Variants in FRMPD4 observed in about 807,000 individuals in gnomAD.
The protein encoded by FRMPD4 is FERM and PDZ domain containing 4.
In FRMPD4, 22 loss-of-function variants were observed where a neutral mutation model predicts 94.1. The ratio of observed to expected loss-of-function variants is 0.23; its 90% CI spans 0.17 to 0.33. FRMPD4 has a LOEUF of 0.33. FRMPD4 is among the 10% of genes least tolerant of loss of function. FRMPD4 has a pLI of 1.00. For missense variants in FRMPD4, 1,111 were observed against 1,339.9 expected (o/e 0.83, Z 2.67); for synonymous variants, 631 against 548.6 (o/e 1.15, Z -2.10).
chrX:11,886,855 T>C (rs180852649), intron 3 of FRMPD4, among the ~76,000 whole-genome samples: 109 of 111,080 alleles, frequency 9.8e-4, no homozygotes, highest in Non-Finnish European at 2.0e-3. Flanking sequence ...TACTAATTGT[T>C]CCCTTTCTCT....
chrX:12,303,457 T>G (rs1278186834), intron 1 of FRMPD4, among the ~76,000 whole-genome samples: 1 of 111,681 alleles, frequency 9.0e-6, no homozygotes, highest in African/African-American at 3.2e-5. Context: ...TCTTTTTAAT[T>G]AGGAGATAAA....
intron 1 of FRMPD4, among the ~76,000 whole-genome samples, chrX:12,346,968 G>A (rs1177211007): frequency 9.0e-6 from 1 of 111,584 alleles, no homozygotes; most frequent in Non-Finnish European, 1.9e-5. Flanking sequence ...CACAAAAGTG[G>A]TTGTATAATT....
intron 3 of FRMPD4, among the ~76,000 whole-genome samples, chrX:11,915,958 T>A (rs754760339): frequency 8.9e-6 from 1 of 112,151 alleles, no homozygotes; most frequent in East Asian, 2.8e-4. Context: ...ACAGTAGATA[T>A]TGGGGTTGCT....
At chrX:11,943,747 C>G (rs2054174716) in intron 3 of FRMPD4, among the ~76,000 whole-genome samples, 1 of 111,914 alleles carries the variant, frequency 8.9e-6, no homozygotes, top group Admixed American at 9.5e-5. Flanking sequence ...TTCCTATAAA[C>G]TCTTAAAAAA....
chrX:12,096,781 G>A (rs754994501), intron 3 of FRMPD4, among the ~76,000 whole-genome samples: 43 of 111,467 alleles, frequency 3.9e-4, no homozygotes, highest in African/African-American at 1.3e-3. Flanking sequence ...TAGCTGCTCA[G>A]GAGGCTGAGG....
chrX:12,642,111 C>T (rs916901287), intron 4 of FRMPD4, among the ~76,000 whole-genome samples: 1 of 111,338 alleles, frequency 9.0e-6, no homozygotes, highest in Non-Finnish European at 1.9e-5. Flanking sequence ...TAGTAGGCAT[C>T]CGCTGTGTGT....
At chrX:12,628,992 GA>G (rs11319072) in intron 4 of FRMPD4, among the ~76,000 whole-genome samples, 2,532 of 111,927 alleles carry the variant, frequency 0.023, 72 homozygotes, top group African/African-American at 0.077. Flanking sequence ...AGCAAAAGGG[GA>G]AACCTCTTAT....
At position 12,433,518 on chromosome X, in the gene FRMPD4, A is replaced by T. The variant is rs2057031245; in HGVS notation, c.42-65162A>T. 2.7e-5 allele frequency among the ~76,000 whole-genome samples: 3 copies of T among 111,950 alleles called. No individual in the cohort carries two copies. In the Admixed American group the frequency reaches 2.8e-4, roughly 11 times the overall value. On this transcript the variant is annotated intron_variant, in intron 1 of 16. Transcript: ENST00000675598. The stretch of plus-strand genomic sequence containing the variant: ...GCCAAGAGTGGAATCAGGGGTGAAG[A>T]TACTAACAGCAAGAAAAATCTGCTC...
Position 12,721,614 on chromosome X carries a change from G to A in FRMPD4, c.5045G>A (p.Cys1682Tyr). The change falls in exon 17 of 17, where the codon TGT becomes TAT. Residue 1682 changes from cysteine (C) to tyrosine (Y), a missense_variant. Cys to Tyr is a radical substitution (Grantham distance 194). This residue lies in a region of FRMPD4 where 551 missense variants were observed against 591.6 expected (regional missense o/e 0.93). Transcript: ENST00000675598. ...LAMTSSFQVLCCLTEACMRLV... is the reference protein window; with the variant it reads ...LAMTSSFQVLYCLTEACMRLV... ...ATGACTTCCAGCTTTCAAGTGCTCT[G>A]TTGCCTAACAGAAGCTTGCATGCGA... 2.6e-6 allele frequency: 2 copies of A among 755,851 alleles called. No individual in the cohort carries two copies. The highest frequency in any genetic ancestry group is 3.1e-6 in the Non-Finnish European group (2 of 638,850). 62.3% of individuals were successfully genotyped at this position (755,851 alleles called of 1,213,427 possible).
intron 3 of FRMPD4, among the ~76,000 whole-genome samples, chrX:11,893,012 G>A (rs755922062): frequency 8.9e-6 from 1 of 112,315 alleles, no homozygotes; most frequent in Non-Finnish European, 1.9e-5. Context: ...GATTTACACA[G>A]AAGTTGCAAA....
At chrX:12,091,453 G>A (rs1022450329) in intron 3 of FRMPD4, among the ~76,000 whole-genome samples, 2 of 112,429 alleles carry the variant, frequency 1.8e-5, no homozygotes, top group Non-Finnish European at 3.8e-5. Context: ...GCATGTCTAT[G>A]TTTTGATAAA....
intron 4 of FRMPD4, among the ~76,000 whole-genome samples, chrX:12,647,276 G>T (rs1041045704): frequency 1.8e-5 from 2 of 112,118 alleles, no homozygotes; most frequent in African/African-American, 3.2e-5. Context: ...AGAGACTAGA[G>T]ATGTGAGACC....
chrX:12,690,190 G>T lies in FRMPD4; in HGVS notation c.682-5G>T, dbSNP rs1602328396. 8.3e-7 allele frequency: 1 copy of T among 1,201,769 alleles called. No homozygotes were observed. Among genetic ancestry groups the T allele is most frequent in the South Asian group, 1.8e-5 (1 of 55,824 alleles). ...GTCTCATCATGTTCATGTTTCCTCT[G>T]TAAGGATGTCATCTTAACCCTTCAA... On this transcript the variant is annotated splice_region_variant and splice_polypyrimidine_tract_variant and intron_variant, in intron 7 of 16. Coordinates refer to ENST00000675598, the MANE Select transcript of FRMPD4 (RefSeq NM_001368397.1).
chrX:12,500,080 C>T (rs2057902048), intron 2 of FRMPD4, among the ~76,000 whole-genome samples: 1 of 111,545 alleles, frequency 9.0e-6, no homozygotes, highest in African/African-American at 3.3e-5. Flanking sequence ...GGCAAGGGTC[C>T]ATACTGCCCT....
intron 1 of FRMPD4, among the ~76,000 whole-genome samples, chrX:12,198,068 C>T (rs955656237): frequency 4.5e-5 from 5 of 111,839 alleles, no homozygotes; most frequent in African/African-American, 1.3e-4. Context: ...GTAAAGCACT[C>T]ATAATATAAA....
intron 2 of FRMPD4, among the ~76,000 whole-genome samples, chrX:12,562,370 A>G (rs1191132901): frequency 8.9e-6 from 1 of 112,407 alleles, no homozygotes; most frequent in East Asian, 2.8e-4. Context: ...CAATAAATTT[A>G]CCTATATTGT....
rs1491368741 is a variant in FRMPD4 at position 12,388,850 on chromosome X, T to TATATATATATAC, written c.42-109829_42-109828insTATATATATACA. ...ATATATATATATATATATATATATATACACACAATGGAGTACTATTCAGCC... is the reference window on the plus strand; with the variant it reads ...ATATATATATATATATATATATATATATATATATATACACACACAATGGAGTACTATTCAGCC... On this transcript the variant is annotated intron_variant, in intron 1 of 16. Coordinates refer to ENST00000675598, the MANE Select transcript of FRMPD4 (RefSeq NM_001368397.1). 5.4e-4 allele frequency among the ~76,000 whole-genome samples: 40 copies of TATATATATATAC among 73,448 alleles called. 2 individuals are homozygous for TATATATATATAC. The highest frequency in any genetic ancestry group is 2.3e-3 in the African/African-American group (36 of 15,557). The allele number at this position is 73,448 out of a possible 115,157, so 63.8% of individuals were successfully genotyped here.
At chrX:11,942,875 A>G (rs1285408540) in intron 3 of FRMPD4, among the ~76,000 whole-genome samples, 1 of 111,568 alleles carries the variant, frequency 9.0e-6, no homozygotes, top group Non-Finnish European at 1.9e-5. Flanking sequence ...CTCTCCTCCT[A>G]ACCCCTGGCA....
At chrX:12,440,711 G>GA (rs2057126029) in intron 1 of FRMPD4, among the ~76,000 whole-genome samples, 1 of 110,567 alleles carries the variant, frequency 9.0e-6, no homozygotes, top group African/African-American at 3.3e-5. Context: ...GGAGGGGGGG[G>GA]AGCAGCAACA....
Sources: allele counts gnomAD v4.1 joint callset (sites outside exome capture counted in the v4.1 genomes callset), GRCh38; gene constraint gnomAD v4.1.1; regional missense constraint gnomAD v4.1.1; transcripts MANE v1.5; gene names NCBI Gene and HGNC (gene_info 2026-07-23, HGNC 2026-07-21).